The following SYT16 variants were observed in gnomAD, a reference collection of about 807,000 sequenced individuals.
SYT16 encodes the protein synaptotagmin-16.
A neutral mutation model predicts 61.4 loss-of-function variants in SYT16; 42 were observed. That is an observed-to-expected ratio of 0.68 (90% CI 0.53 to 0.89). The LOEUF (loss-of-function observed/expected upper bound fraction) is 0.89, where lower values mean the gene tolerates loss of function less well. SYT16 is among the 40% of genes least tolerant of loss of function. The pLI, the probability that SYT16 is intolerant of heterozygous loss-of-function variation, is 0.00. For synonymous variants in SYT16, 314 were observed against 302.3 expected (o/e 1.04, Z -0.40); for missense variants, 804 against 807.3 (o/e 1.00, Z 0.05).
At chr14:61,926,555 G>A (rs2049547047) in intron 1 of SYT16, among the ~76,000 whole-genome samples, 1 of 152,092 alleles carries the variant, frequency 6.6e-6, no homozygotes, top group African/African-American at 2.4e-5. Flanking sequence ...AAGGTCAGTT[G>A]GAAGGACAGC....
At chr14:61,991,985 C>G (rs2052572356) in intron 2 of SYT16, among the ~76,000 whole-genome samples, 1 of 150,446 alleles carries the variant, frequency 6.6e-6, no homozygotes, top group Non-Finnish European at 1.5e-5. Context: ...TTCATTCATT[C>G]ATTCATGGAA....
intron 1 of SYT16, among the ~76,000 whole-genome samples, chr14:61,818,558 A>G (rs2045513627): frequency 6.6e-6 from 1 of 151,886 alleles, no homozygotes; most frequent in Non-Finnish European, 1.5e-5. Flanking sequence ...CTCATCTGTA[A>G]TCCCAGCTAC....
chr14:61,842,298 T>A (rs2046321578), intron 1 of SYT16, among the ~76,000 whole-genome samples: 1 of 152,180 alleles, frequency 6.6e-6, no homozygotes, highest in Admixed American at 6.5e-5. Flanking sequence ...TTGTACCCAT[T>A]AACCATCCCC....
chr14:62,025,634 T>C (rs75678266), intron 3 of SYT16, among the ~76,000 whole-genome samples: 25,167 of 152,132 alleles, frequency 0.17, 3,250 homozygotes, highest in African/African-American at 0.36. Context: ...TCATGGATTG[T>C]GCCTTTGGTG....
chr14:62,093,041 A>G (rs916971157), intron 7 of SYT16, among the ~76,000 whole-genome samples: 1 of 152,090 alleles, frequency 6.6e-6, no homozygotes, highest in East Asian at 1.9e-4. Context: ...AAATGAAGAG[A>G]TTAGCAGGCT....
At chr14:61,850,743 G>A (rs1335642273) in intron 1 of SYT16, among the ~76,000 whole-genome samples, 2 of 152,056 alleles carry the variant, frequency 1.3e-5, no homozygotes, top group Non-Finnish European at 2.9e-5. Flanking sequence ...GCCCTATTAT[G>A]TGTTGGTAAT....
intron 1 of SYT16, among the ~76,000 whole-genome samples, chr14:61,865,773 G>A (rs568229558): frequency 6.6e-6 from 1 of 152,152 alleles, no homozygotes; most frequent in South Asian, 2.1e-4. Flanking sequence ...AGCACATGGA[G>A]GGTGTCTTGA....
rs115679155 is a variant in SYT16, at chr14:62,076,784, C to G, written c.993+1393C>G. Reference sequence around the variant, plus strand: ...TCTCTCTCCCAAAAACAAAACAGACCAAATGATTTGCCTGCCTATTGATAC... The same window carrying G: ...TCTCTCTCCCAAAAACAAAACAGACGAAATGATTTGCCTGCCTATTGATAC... On this transcript the variant is annotated intron_variant, in intron 5 of 7. Coordinates refer to ENST00000683842, the MANE Select transcript of SYT16 (RefSeq NM_001367656.1). Among the ~76,000 whole-genome samples, 751 of 152,278 alleles carry G rather than the reference C, an allele frequency of 4.9e-3. 6 individuals carry two copies. The highest frequency in any genetic ancestry group is 0.017 in the African/African-American group (711 of 41,566).
chr14:61,882,744 CTA>C (rs539237884), intron 1 of SYT16, among the ~76,000 whole-genome samples: 79 of 152,290 alleles, frequency 5.2e-4, no homozygotes, highest in African/African-American at 1.9e-3. Context: ...TCCCTTCTGC[CTA>C]TGAGCCTGTA....
chr14:61,944,804 A>C (rs1461886840), intron 1 of SYT16, among the ~76,000 whole-genome samples: 1 of 152,208 alleles, frequency 6.6e-6, no homozygotes, highest in African/African-American at 2.4e-5. Flanking sequence ...AACCTAGGCA[A>C]TACTATTCAG....
chr14:61,834,086 A>C (rs187159578), intron 1 of SYT16, among the ~76,000 whole-genome samples: 17 of 151,160 alleles, frequency 1.1e-4, no homozygotes, highest in African/African-American at 4.1e-4. Context: ...AGTGGGAAGG[A>C]TGCATCCATA....
At position 62,107,187 on chromosome 14, in the gene SYT16, A is replaced by C. The variant is rs1021093276; in HGVS notation, c.*6480A>C. 6.6e-6 allele frequency: 1 copy of C among 151,862 alleles called. No individual in the cohort carries two copies. The highest frequency in any genetic ancestry group is 1.5e-5 in the Non-Finnish European group (1 of 67,984). 9.4% of individuals were successfully genotyped at this position (151,862 alleles called of 1,614,324 possible). ...GGTGGCTCACACCTGTAATCCCAGAACTTTGGGAGGCCGAGGTGGGAGAAC... is the reference window on the plus strand; with the variant it reads ...GGTGGCTCACACCTGTAATCCCAGACCTTTGGGAGGCCGAGGTGGGAGAAC... On this transcript the variant is annotated 3_prime_UTR_variant, in exon 8 of 8. Coordinates refer to ENST00000683842, the MANE Select transcript of SYT16 (RefSeq NM_001367656.1).
Position 62,075,337 on chromosome 14 carries a change from C to A in SYT16, c.939C>A (p.Ser313Arg), listed in dbSNP as rs2056447727. The change falls in exon 5 of 8, where the codon AGC (serine) becomes AGA (arginine). Residue 313 changes from serine (S) to arginine (R), a missense_variant. By Grantham distance (110) the Ser-to-Arg change is moderately radical. Transcript: ENST00000683842. ...TGGAGATGGAGACAGCTTTTAATAG[C>A]CGGGGATTTGAAGATTCCTATGCCA... ...GSLEMETAFN[S>R]RGFEDSYATD... The A allele has an allele frequency of 4.3e-6, 7 of 1,613,644 alleles. No individual in the cohort carries two copies. The highest frequency in any genetic ancestry group is 5.9e-6 in the Non-Finnish European group (7 of 1,179,806).
At chr14:61,910,529 T>C (rs1313825315) in intron 1 of SYT16, among the ~76,000 whole-genome samples, 1 of 52,640 alleles carries the variant, frequency 1.9e-5, no homozygotes, top group Non-Finnish European at 5.5e-5. Context: ...CCCGCTGTTT[T>C]GTTTTTTTTT....
chr14:62,064,354 AAAAAG>A (rs1595321677), intron 3 of SYT16, among the ~76,000 whole-genome samples: 1 of 150,666 alleles, frequency 6.6e-6, no homozygotes, highest in Admixed American at 6.6e-5. Flanking sequence ...AAAAAAAAAA[AAAAAG>A]AAAACACTGG....
intron 1 of SYT16, among the ~76,000 whole-genome samples, chr14:61,829,876 G>A (rs1198859619): frequency 2.0e-5 from 3 of 151,864 alleles, no homozygotes; most frequent in Non-Finnish European, 2.9e-5. Context: ...GGATGGTCTC[G>A]ATCTCCTGAC....
At chr14:62,005,182 A>G (rs1241795170) in intron 3 of SYT16, among the ~76,000 whole-genome samples, 1 of 152,030 alleles carries the variant, frequency 6.6e-6, no homozygotes, top group Non-Finnish European at 1.5e-5. Context: ...TGAGGACACA[A>G]TTTTTTTCTG....
chr14:62,082,288 T>C (rs867843673), intron 6 of SYT16, among the ~76,000 whole-genome samples: 4 of 152,114 alleles, frequency 2.6e-5, no homozygotes, highest in Non-Finnish European at 5.9e-5. Flanking sequence ...ATCTGTCTGC[T>C]TAAATGTCCA....
intron 1 of SYT16, among the ~76,000 whole-genome samples, chr14:61,929,352 A>G (rs1566688608): frequency 6.6e-6 from 1 of 152,186 alleles, no homozygotes; most frequent in African/African-American, 2.4e-5. Context: ...TCACACAGAG[A>G]GATGGACAGG....
Sources: gnomAD v4.1 joint callset for allele counts (sites outside exome capture counted in the v4.1 genomes callset) on GRCh38, gnomAD v4.1.1 for gene constraint, MANE v1.5 for transcripts, NCBI Gene and HGNC (gene_info 2026-07-23, HGNC 2026-07-21) for gene names.